Variants in LRRC41 observed in about 807,000 individuals in gnomAD.
The protein encoded by LRRC41 is leucine rich repeat containing 41, also known as leucine-rich repeat-containing protein 41.
Under a neutral mutation model 72.1 loss-of-function variants are expected in LRRC41, and 17 were observed. That is an observed-to-expected ratio of 0.24 (90% CI 0.16 to 0.35). The LOEUF (loss-of-function observed/expected upper bound fraction) is 0.35, where lower values mean the gene tolerates loss of function less well. Among genes scored for constraint, LRRC41 ranks in the 10% least tolerant of loss-of-function variants. LRRC41 has a pLI of 1.00. For missense variants in LRRC41, 759 were observed against 1,065.0 expected (o/e 0.71, Z 4.00); for synonymous variants, 427 against 431.0 (o/e 0.99, Z 0.11).
chr1:46,298,380 TCAAAA>T lies in LRRC41; in HGVS notation c.200-15_200-11del, dbSNP rs1314729121. 35 of 1,590,596 alleles carry T rather than the reference TCAAAA, an allele frequency of 2.2e-5. No individual in the cohort carries two copies. The East Asian group carries it at 7.4e-4, about 34-fold the overall frequency. Reference sequence around the variant, plus strand: ...ATTGGGCCTGGGAGGGCTACAAAAATCAAAACAAAAGTTTACTTTTCCTCCCCTCC... The same window carrying T: ...ATTGGGCCTGGGAGGGCTACAAAAATCAAAAGTTTACTTTTCCTCCCCTCC... On this transcript the variant is annotated splice_polypyrimidine_tract_variant and intron_variant, in intron 1 of 9. Coordinates refer to ENST00000617190, the MANE Select transcript of LRRC41 (RefSeq NM_006369.5).
At chr1:46,295,371 CTT>C (rs1661101417) in intron 3 of LRRC41, among the ~76,000 whole-genome samples, 1 of 152,172 alleles carries the variant, frequency 6.6e-6, no homozygotes, top group African/African-American at 2.4e-5. Context: ...TTACAGATCT[CTT>C]TATATACCCC....
rs1001986550 is a variant in LRRC41 at position 46,278,120 on chromosome 1, T to C, written c.*745A>G. The stretch of plus-strand genomic sequence containing the variant: ...ACAGCCGTCAGATCCGGCCACCCCC[T>C]GATGGTTCTGACTGCACTTCAGACC... On this transcript the variant is annotated 3_prime_UTR_variant, in exon 10 of 10. Coordinates refer to ENST00000617190, the MANE Select transcript of LRRC41 (RefSeq NM_006369.5). The C allele has an allele frequency of 6.2e-7, 1 of 1,613,798 alleles. No individual in the cohort carries two copies. Among genetic ancestry groups the C allele is most frequent in the Non-Finnish European group, 8.5e-7 (1 of 1,179,884 alleles).
intron 3 of LRRC41, among the ~76,000 whole-genome samples, chr1:46,290,689 C>T (rs967991341): frequency 6.6e-6 from 1 of 150,986 alleles, no homozygotes; most frequent in Non-Finnish European, 1.5e-5. Flanking sequence ...TCACTGAAAC[C>T]TCTGCCTCCC....
intron 3 of LRRC41, among the ~76,000 whole-genome samples, chr1:46,288,154 C>G (rs1235542149): frequency 1.3e-5 from 2 of 152,148 alleles, no homozygotes; most frequent in Non-Finnish European, 2.9e-5. Flanking sequence ...TTGTTTGAAC[C>G]ATCCCAGATG....
Position 46,303,337 on chromosome 1 carries a change from C to T in LRRC41, c.-15G>A. On this transcript the variant is annotated 5_prime_UTR_variant, in exon 1 of 10. Coordinates refer to ENST00000617190, the MANE Select transcript of LRRC41 (RefSeq NM_006369.5). ...GGCGCCGCCATCTTGGGGAGGTGCGCGAGCCCGAGAGTGTCGCCCGCGGAC... is the reference window on the plus strand; with the variant it reads ...GGCGCCGCCATCTTGGGGAGGTGCGTGAGCCCGAGAGTGTCGCCCGCGGAC... 2.7e-6 allele frequency: 4 copies of T among 1,502,944 alleles called. No individual in the cohort carries two copies. The highest frequency in any genetic ancestry group is 3.5e-6 in the Non-Finnish European group (4 of 1,129,866). The allele number at this position is 1,502,944 out of a possible 1,614,324, so 93.1% of individuals were successfully genotyped here. A position where few individuals can be genotyped will look rare whatever the true frequency, so the allele number is the denominator to read the frequency against.
chr1:46,301,173 C>G (rs1274384901), intron 1 of LRRC41, among the ~76,000 whole-genome samples: 1 of 152,098 alleles, frequency 6.6e-6, no homozygotes, highest in Admixed American at 6.6e-5. Context: ...AATTCTCATC[C>G]CCAGTTACCC....
chr1:46,301,869 C>T (rs779507584), intron 1 of LRRC41: 97 of 803,546 alleles, frequency 1.2e-4, no homozygotes, highest in Non-Finnish European at 1.3e-4. Context: ...GCCACCTCTT[C>T]GCCCAACTCC....
At chr1:46,292,957 G>A (rs1321702381) in intron 3 of LRRC41, among the ~76,000 whole-genome samples, 1 of 152,096 alleles carries the variant, frequency 6.6e-6, no homozygotes, top group Admixed American at 6.6e-5. Context: ...AGACCGAGGC[G>A]GGTGGATCAC....
chr1:46,298,413 C>T (rs1376407840), intron 1 of LRRC41, 43 bp from the exon 2 acceptor site: 1 of 1,252,960 alleles, frequency 8.0e-7, no homozygotes, highest in Admixed American at 1.8e-5. Flanking sequence ...TCCCCTCCCC[C>T]TCCCACCCAA....
intron 1 of LRRC41, chr1:46,299,266 A>T (rs942628778): frequency 6.6e-6 from 1 of 152,358 alleles, no homozygotes; most frequent in Non-Finnish European, 1.5e-5. Flanking sequence ...AACTGGAAAA[A>T]AATGGAGGCT....
rs1660742025 is a variant in LRRC41, at chr1:46,280,202, C to A, written c.2010G>T (p.Leu670=). The A allele has an allele frequency of 6.2e-7, 1 of 1,613,908 alleles. No individual in the cohort carries two copies. The highest frequency in any genetic ancestry group is 1.1e-5 in the South Asian group (1 of 91,064). ...QSEVLFLLQN[L]TLQEITFSFC... is the part of the protein sequence containing the mutation. The stretch of plus-strand genomic sequence containing the variant: ...GAATAAGGAACTTACCTTGCAGAGT[C>A]AGATTCTGTAGCAAAAAGAGCACCT... Residue 670 remains leucine, a synonymous_variant, in exon 7 of 10, where the codon CTG becomes CTT. Coordinates refer to ENST00000617190, the MANE Select transcript of LRRC41 (RefSeq NM_006369.5).
At position 46,286,313 on chromosome 1, in the gene LRRC41, C is replaced by T; in HGVS notation, c.544G>A (p.Glu182Lys). Residue 182 changes from glutamate (E) to lysine (K), a missense_variant, in exon 4 of 10, where the codon GAG becomes AAG. Physicochemically the swap from Glu to Lys is moderately conservative, Grantham distance 56 (BLOSUM62 1). This residue lies in a region of LRRC41 where 116 missense variants were observed against 250.9 expected (regional missense o/e 0.46). Coordinates refer to ENST00000617190, the MANE Select transcript of LRRC41 (RefSeq NM_006369.5). The surrounding 1 kb of genome is among the most constrained non-coding windows in gnomAD (Gnocchi z 5.5). ...GTCTCCAGAACCCTGCGGTTGGGCT[C>T]AGCCACCAGCTCGGTTGCACCCTGC... Reference protein sequence around the residue: ...MLQGATELVAEPNRRVLETLA... With the variant: ...MLQGATELVAKPNRRVLETLA... 6.2e-7 allele frequency: 1 copy of T among 1,614,220 alleles called. No homozygotes were observed. Among genetic ancestry groups the T allele is most frequent in the Non-Finnish European group, 8.5e-7 (1 of 1,180,036 alleles).
chr1:46,302,721 C>T lies in LRRC41; in HGVS notation c.199+403G>A, dbSNP rs1173755270. 7 of 985,260 alleles carry T rather than the reference C, an allele frequency of 7.1e-6. No homozygotes were observed. Among genetic ancestry groups the T allele is most frequent in the Non-Finnish European group, 8.4e-6 (7 of 829,840 alleles). The allele number at this position is 985,260 out of a possible 1,614,324, so 61.0% of individuals were successfully genotyped here. ...CCTTGCCTTAGGCCGGGCCTCCTAA[C>T]CTCGGCCCCTGCCCTAGGGCAGCCG... On this transcript the variant is annotated intron_variant, in intron 1 of 9. Coordinates refer to ENST00000617190, the MANE Select transcript of LRRC41 (RefSeq NM_006369.5). The surrounding 1 kb of genome is among the most constrained non-coding windows in gnomAD (Gnocchi z 4.7).
rs774784963 is a variant in LRRC41 at position 46,280,147 on chromosome 1, T to C, written c.2020+45A>G. On this transcript the variant is annotated intron_variant, in intron 7 of 9. Transcript: ENST00000617190. Reference sequence around the variant, plus strand: ...GCTCACTCAGATTATGGCAGAACCATAGTGAAGACCCAGGAAATGTCCAGG... The same window carrying C: ...GCTCACTCAGATTATGGCAGAACCACAGTGAAGACCCAGGAAATGTCCAGG... 4.8e-5 allele frequency: 69 copies of C among 1,425,564 alleles called. No homozygotes were observed. In the South Asian group the frequency reaches 6.8e-4, roughly 14 times the overall value. The allele number at this position is 1,425,564 out of a possible 1,614,324, so 88.3% of individuals were successfully genotyped here. A position where few individuals can be genotyped will look rare whatever the true frequency, so the allele number is the denominator to read the frequency against.
At chr1:46,289,154 A>G (rs1449256038) in intron 3 of LRRC41, among the ~76,000 whole-genome samples, 1 of 152,174 alleles carries the variant, frequency 6.6e-6, no homozygotes, top group East Asian at 1.9e-4. Flanking sequence ...ACAATGGGAG[A>G]CAGAATATTT....
At position 46,280,385 on chromosome 1, in the gene LRRC41, C is replaced by G; in HGVS notation, c.1921+11G>C. On this transcript the variant is annotated intron_variant, in intron 6 of 9. Transcript: ENST00000617190. ...TACTCCTCTCCCTTCACCATTCTGG[C>G]TGGGTCCTACCTTTGAGTGTTTGCA... The G allele has an allele frequency of 1.2e-6, 2 of 1,614,200 alleles. No individual in the cohort carries two copies. The highest frequency in any genetic ancestry group is 8.5e-7 in the Non-Finnish European group (1 of 1,180,028).
chr1:46,301,820 C>CGA (rs1325697112), intron 1 of LRRC41, among the ~76,000 whole-genome samples: 1 of 151,934 alleles, frequency 6.6e-6, no homozygotes, highest in Non-Finnish European at 1.5e-5. Flanking sequence ...CCGGGGCCTG[C>CGA]TCTCCTGCCC....
intron 3 of LRRC41, among the ~76,000 whole-genome samples, chr1:46,294,185 G>A (rs533038887): frequency 1.9e-4 from 29 of 152,150 alleles, no homozygotes; most frequent in African/African-American, 7.0e-4. Flanking sequence ...TGTGATCTCG[G>A]CTCAGTGCAA....
At chr1:46,303,002 C>T (rs1368670643) in intron 1 of LRRC41, 122 bp downstream of exon 1, 13 of 1,313,238 alleles carry the variant, frequency 9.9e-6, no homozygotes, top group Admixed American at 3.9e-5. Flanking sequence ...ATCCTACGAG[C>T]TGGCTTTCAG....
Sources: gnomAD v4.1 joint callset for allele counts (sites outside exome capture counted in the v4.1 genomes callset) on GRCh38, gnomAD v4.1.1 for gene constraint, gnomAD v4.1.1 regional missense constraint, Gnocchi (gnomAD v3.1) non-coding constraint, MANE v1.5 for transcripts, NCBI Gene and HGNC (gene_info 2026-07-23, HGNC 2026-07-21) for gene names.